Variants in CNGA3 observed in about 807,000 individuals in gnomAD.
CNGA3 encodes cyclic nucleotide gated channel subunit alpha 3, also known as cyclic nucleotide-gated channel alpha-3.
In CNGA3, 42 loss-of-function variants were observed where a neutral mutation model predicts 46.6. The observed-to-expected ratio is 0.90, with a 90% CI of 0.70 to 1.17. CNGA3 has a LOEUF of 1.17. Among genes scored for constraint, CNGA3 ranks in the 50% most tolerant of loss-of-function variants. The probability of loss-of-function intolerance (pLI) is 0.00; values close to 1 mark genes in which losing one functional copy is unlikely to be tolerated. For synonymous variants in CNGA3, 394 were observed against 369.4 expected (o/e 1.07, Z -0.76); for missense variants, 893 against 890.7 (o/e 1.00, Z -0.03).
intron 2 of CNGA3, among the ~76,000 whole-genome samples, chr2:98,372,269 G>A (rs1357782367): frequency 6.6e-6 from 1 of 152,202 alleles, no homozygotes; most frequent in Non-Finnish European, 1.5e-5. Context: ...AGCTTGCAAG[G>A]CCTCTTAGAA....
intron 1 of CNGA3, among the ~76,000 whole-genome samples, chr2:98,359,981 G>A (rs1691988932): frequency 6.6e-6 from 1 of 152,208 alleles, no homozygotes; most frequent in South Asian, 2.1e-4. Flanking sequence ...TGGGCTTCTC[G>A]ACCCTTTGGG....
intron 2 of CNGA3, among the ~76,000 whole-genome samples, chr2:98,374,596 GT>G (rs2104188533): frequency 6.6e-6 from 1 of 152,214 alleles, no homozygotes; most frequent in South Asian, 2.1e-4. Flanking sequence ...CGGTACCTGT[GT>G]GTCCTTGGGG....
intron 2 of CNGA3, among the ~76,000 whole-genome samples, chr2:98,372,125 G>A (rs2104181168): frequency 6.6e-6 from 1 of 152,354 alleles, no homozygotes; most frequent in Middle Eastern, 3.4e-3. Flanking sequence ...GAAGAAGGCA[G>A]TCCTGGTCTG....
chr2:98,391,482 ATC>A (rs1692786461), intron 6 of CNGA3, among the ~76,000 whole-genome samples: 1 of 152,132 alleles, frequency 6.6e-6, no homozygotes, highest in African/African-American at 2.4e-5. Context: ...TCCATTGTTA[ATC>A]TCTCGGAAAT....
chr2:98,389,127 G>A (rs937328953), intron 5 of CNGA3, among the ~76,000 whole-genome samples: 1 of 152,192 alleles, frequency 6.6e-6, no homozygotes, highest in Admixed American at 6.5e-5. Context: ...CCTTTACATC[G>A]TCCGCACAAA....
intron 1 of CNGA3, among the ~76,000 whole-genome samples, chr2:98,356,195 G>A (rs911508535): frequency 6.6e-5 from 10 of 152,186 alleles, no homozygotes; most frequent in Non-Finnish European, 1.5e-5. Context: ...CCCTGGGGGA[G>A]TTCTTGACTT....
intron 2 of CNGA3, among the ~76,000 whole-genome samples, chr2:98,376,896 GC>G (rs1029672823): frequency 2.0e-5 from 3 of 152,164 alleles, no homozygotes; most frequent in Admixed American, 1.3e-4. Flanking sequence ...CTTATTCCAG[GC>G]AATTCAACCA....
chr2:98,380,593 T>G (rs1692515663), intron 4 of CNGA3, among the ~76,000 whole-genome samples: 2 of 152,096 alleles, frequency 1.3e-5, no homozygotes, highest in Non-Finnish European at 2.9e-5. Context: ...CCAGCCTCAT[T>G]TGACCACTCA....
Position 98,367,305 on chromosome 2 carries a change from C to T in CNGA3, c.-37-2634C>T, listed in dbSNP as rs1692185614. ...CGCCTCCCGGGTTCACACCATTCTCCTGCCTCAGCCTCCCGAGTAGCTGGG... is the reference window on the plus strand; with the variant it reads ...CGCCTCCCGGGTTCACACCATTCTCTTGCCTCAGCCTCCCGAGTAGCTGGG... On this transcript the variant is annotated intron_variant, in intron 1 of 7. Coordinates refer to ENST00000272602, the MANE Select transcript of CNGA3 (RefSeq NM_001298.3). Among the ~76,000 whole-genome samples the T allele has an allele frequency of 5.3e-5, 8 of 151,882 alleles. 1 individual carries two copies. The South Asian group carries it at 1.7e-3, about 32-fold the overall frequency.
chr2:98,381,078 C>A (rs1692526800), intron 4 of CNGA3, among the ~76,000 whole-genome samples: 1 of 152,172 alleles, frequency 6.6e-6, no homozygotes, highest in Non-Finnish European at 1.5e-5. Context: ...CTGCTGCCTC[C>A]CCTCCTGACT....
chr2:98,378,277 G>C (rs898469591), intron 3 of CNGA3: 10 of 1,488,674 alleles, frequency 6.7e-6, no homozygotes, highest in African/African-American at 1.4e-5. Flanking sequence ...TCCAAGCTCT[G>C]CTTCCCCCTG....
At chr2:98,366,825 T>C (rs1692164108) in intron 1 of CNGA3, among the ~76,000 whole-genome samples, 1 of 152,136 alleles carries the variant, frequency 6.6e-6, no homozygotes, top group East Asian at 1.9e-4. Context: ...GTCTCCAGTG[T>C]AGAGGCCGCC....
intron 1 of CNGA3, among the ~76,000 whole-genome samples, chr2:98,348,249 C>T (rs1691689835): frequency 1.3e-5 from 2 of 149,946 alleles, no homozygotes; most frequent in Admixed American, 6.6e-5. Context: ...AGCGGTGGTT[C>T]TTGGGGTGAC....
chr2:98,395,037 A>C (rs1269720776), intron 7 of CNGA3, among the ~76,000 whole-genome samples: 1 of 151,934 alleles, frequency 6.6e-6, no homozygotes, highest in Admixed American at 6.5e-5. Flanking sequence ...CCCTTTAAGT[A>C]TTGACATCCT....
intron 1 of CNGA3, among the ~76,000 whole-genome samples, chr2:98,357,594 C>T (rs1691912911): frequency 6.6e-6 from 1 of 152,182 alleles, no homozygotes; most frequent in Non-Finnish European, 1.5e-5. Flanking sequence ...CTCATCTTCA[C>T]AATTCTCAGG....
intron 5 of CNGA3, among the ~76,000 whole-genome samples, chr2:98,388,430 G>T (rs762360617): frequency 2.6e-5 from 4 of 152,056 alleles, no homozygotes; most frequent in Admixed American, 6.5e-5. Flanking sequence ...TTGGAGCAAC[G>T]CTATCAGGGG....
At position 98,383,293 on chromosome 2, in the gene CNGA3, G is replaced by A. The variant is rs1035732736; in HGVS notation, c.396-95G>A. 3.4e-6 allele frequency: 4 copies of A among 1,179,650 alleles called. No individual in the cohort carries two copies. In the African/African-American group the frequency reaches 6.0e-5, roughly 18 times the overall value. 73.1% of individuals were successfully genotyped at this position (1,179,650 alleles called of 1,614,324 possible). On this transcript the variant is annotated intron_variant, in intron 4 of 7. Coordinates refer to ENST00000272602, the MANE Select transcript of CNGA3 (RefSeq NM_001298.3). ...CAAAGGCTGGAAGCAGTGGGATAGG[G>A]ATTGGGGGGTGGGGCATGGTAATCC...
At chr2:98,395,330 T>C (rs1692885445) in intron 7 of CNGA3, among the ~76,000 whole-genome samples, 1 of 152,000 alleles carries the variant, frequency 6.6e-6, no homozygotes, top group Non-Finnish European at 1.5e-5. Flanking sequence ...CCACCACATC[T>C]GGCTAATTTT....
intron 2 of CNGA3, 115 bp from the exon 3 acceptor site, chr2:98,377,572 C>A: frequency 2.1e-6 from 2 of 957,130 alleles, no homozygotes; most frequent in Non-Finnish European, 3.3e-6. Context: ...GGATGAGGAT[C>A]TGTGAGGGTG....
Sources: allele counts gnomAD v4.1 joint callset (sites outside exome capture counted in the v4.1 genomes callset), GRCh38; gene constraint gnomAD v4.1.1; transcripts MANE v1.5; gene names NCBI Gene and HGNC (gene_info 2026-07-23, HGNC 2026-07-21).